Variants in GRID2 observed in about 807,000 individuals in gnomAD.
GRID2 encodes glutamate ionotropic receptor delta type subunit 2.
In GRID2, 33 loss-of-function variants were observed where a neutral mutation model predicts 114.8. That is an observed-to-expected ratio of 0.29 (90% CI 0.22 to 0.38). The LOEUF is 0.38. Among genes scored for constraint, GRID2 ranks in the 10% least tolerant of loss-of-function variants. GRID2 has a pLI of 1.00. For missense variants in GRID2, 1,184 were observed against 1,257.7 expected (o/e 0.94, Z 0.89); for synonymous variants, 505 against 449.9 (o/e 1.12, Z -1.55).
At chr4:92,822,950 A>G (rs1055200611) in intron 2 of GRID2, 5 of 152,176 alleles carry the variant, frequency 3.3e-5, no homozygotes, top group Non-Finnish European at 5.9e-5. Flanking sequence ...CACTGCAGCA[A>G]CGAGGATGCC....
chr4:92,319,199 T>C (rs918187145), intron 1 of GRID2, among the ~76,000 whole-genome samples: 8 of 152,218 alleles, frequency 5.3e-5, no homozygotes, highest in Non-Finnish European at 1.2e-4. Context: ...CTTTATCTTA[T>C]ATGCATGTTA....
intron 8 of GRID2, among the ~76,000 whole-genome samples, chr4:93,366,869 C>G (rs1213414049): frequency 2.6e-5 from 4 of 151,812 alleles, no homozygotes; most frequent in Admixed American, 2.6e-4. Flanking sequence ...TAGGGAGACT[C>G]AAAGCATATT....
At chr4:93,466,405 A>C (rs566482082) in intron 11 of GRID2, among the ~76,000 whole-genome samples, 1 of 152,322 alleles carries the variant, frequency 6.6e-6, no homozygotes, top group East Asian at 1.9e-4. Flanking sequence ...TTGAAGAGGC[A>C]GTGTTGTTAC....
chr4:93,616,885 C>T (rs1367081338), intron 13 of GRID2, among the ~76,000 whole-genome samples: 2 of 104,736 alleles, frequency 1.9e-5, no homozygotes, highest in Admixed American at 1.7e-4. Context: ...GTCCCAGCTA[C>T]TCGGGAGGCT....
At chr4:93,251,067 C>T (rs1748863859) in intron 8 of GRID2, among the ~76,000 whole-genome samples, 2 of 151,988 alleles carry the variant, frequency 1.3e-5, no homozygotes, top group Admixed American at 1.3e-4. Flanking sequence ...TTTAGTCATG[C>T]CTTTCTTTCA....
At chr4:92,907,986 G>A (rs766585639) in intron 2 of GRID2, among the ~76,000 whole-genome samples, 2 of 152,020 alleles carry the variant, frequency 1.3e-5, no homozygotes, top group Non-Finnish European at 2.9e-5. Flanking sequence ...CTATGGCACT[G>A]TACTCCAGCC....
intron 8 of GRID2, among the ~76,000 whole-genome samples, chr4:93,346,230 A>G (rs1416616254): frequency 6.6e-6 from 1 of 152,106 alleles, no homozygotes; most frequent in African/African-American, 2.4e-5. Context: ...TGACTTTTTT[A>G]TTTATGGCAA....
intron 12 of GRID2, among the ~76,000 whole-genome samples, chr4:93,506,697 C>T (rs1480056593): frequency 6.6e-6 from 1 of 152,090 alleles, no homozygotes; most frequent in South Asian, 2.1e-4. Context: ...ATCTCTAACC[C>T]TCTTTGTTCC....
intron 2 of GRID2, among the ~76,000 whole-genome samples, chr4:92,935,249 G>T (rs1750571524): frequency 6.8e-6 from 1 of 147,082 alleles, no homozygotes. Flanking sequence ...CTTCTCAAAA[G>T]AAGACATTTA....
At chr4:93,198,785 A>G (rs1741770653) in intron 4 of GRID2, among the ~76,000 whole-genome samples, 1 of 152,174 alleles carries the variant, frequency 6.6e-6, no homozygotes, top group Admixed American at 6.5e-5. Context: ...ACAGCTGTGG[A>G]GAGCTCATAT....
chr4:93,295,659 A>G (rs1417059548), intron 8 of GRID2, among the ~76,000 whole-genome samples: 3 of 151,984 alleles, frequency 2.0e-5, no homozygotes, highest in Admixed American at 2.0e-4. Flanking sequence ...TTCTTCAGAC[A>G]TTCTCAGTTT....
intron 3 of GRID2, among the ~76,000 whole-genome samples, chr4:93,087,059 G>A (rs1730393142): frequency 8.6e-6 from 1 of 116,054 alleles, no homozygotes; most frequent in Admixed American, 9.5e-5. Context: ...TTTTGAGATG[G>A]AGTCTTCCTC....
chr4:93,300,132 A>G (rs568537705), intron 8 of GRID2, among the ~76,000 whole-genome samples: 7 of 152,042 alleles, frequency 4.6e-5, no homozygotes, highest in Middle Eastern at 6.8e-3. Context: ...TGTGTGTGTG[A>G]TGGGGTCTCC....
chr4:93,391,809 T>G (rs561407859), intron 8 of GRID2, among the ~76,000 whole-genome samples: 1 of 152,284 alleles, frequency 6.6e-6, no homozygotes, highest in South Asian at 2.1e-4. Flanking sequence ...CAGGCTACTG[T>G]GCTCATGCAA....
chr4:92,876,266 ATC>A (rs929519824), intron 2 of GRID2, among the ~76,000 whole-genome samples: 16 of 149,582 alleles, frequency 1.1e-4, no homozygotes, highest in African/African-American at 3.7e-4. Context: ...AAACCCAATT[ATC>A]TTTTTTTTTT....
rs1166130976 is a variant in GRID2 at position 93,621,646 on chromosome 4, A to C, written c.2194-4623A>C. Among the ~76,000 whole-genome samples the C allele has an allele frequency of 1.5e-4, 23 of 152,156 alleles. 1 individual carries two copies. Among genetic ancestry groups the C allele is most frequent in the Admixed American group, 1.5e-3 (23 of 15,264 alleles). On this transcript the variant is annotated intron_variant, in intron 13 of 15. Transcript: ENST00000282020. Reference sequence around the variant, plus strand: ...TTATTCTGTTGAAAGGTGACTTCAGACTTTGTTGATGAGTATTTTATAGAG... The same window carrying C: ...TTATTCTGTTGAAAGGTGACTTCAGCCTTTGTTGATGAGTATTTTATAGAG...
chr4:92,772,207 A>G (rs763438284), intron 2 of GRID2, among the ~76,000 whole-genome samples: 4 of 152,194 alleles, frequency 2.6e-5, no homozygotes, highest in Non-Finnish European at 5.9e-5. Flanking sequence ...TAGGAAATGT[A>G]TCCTTCTTTC....
chr4:92,838,901 G>A (rs747928642), intron 2 of GRID2: 1 of 151,998 alleles, frequency 6.6e-6, no homozygotes, highest in Non-Finnish European at 1.5e-5. Flanking sequence ...TTTCTGAAAT[G>A]CTATGGATTT....
At chr4:93,496,175 C>T (rs562362173) in intron 12 of GRID2, among the ~76,000 whole-genome samples, 2 of 149,574 alleles carry the variant, frequency 1.3e-5, no homozygotes, top group African/African-American at 4.9e-5. Context: ...AAAAAGATGT[C>T]GAAGGACAAA....
Sources: gnomAD v4.1 joint callset for allele counts (sites outside exome capture counted in the v4.1 genomes callset) on GRCh38, gnomAD v4.1.1 for gene constraint, MANE v1.5 for transcripts, NCBI Gene and HGNC (gene_info 2026-07-23, HGNC 2026-07-21) for gene names.